Variants in EGFLAM observed in about 807,000 individuals in gnomAD.
The protein encoded by EGFLAM is EGF like, fibronectin type III and laminin G domains, also known as pikachurin.
EGFLAM carries 79 observed loss-of-function variants against 113.1 expected under a neutral mutation model. The ratio of observed to expected loss-of-function variants is 0.70; its 90% CI spans 0.58 to 0.84. EGFLAM has a LOEUF of 0.84. EGFLAM is among the 40% of genes least tolerant of loss of function. The probability of loss-of-function intolerance (pLI) is 0.00; values close to 1 mark genes in which losing one functional copy is unlikely to be tolerated. For synonymous variants in EGFLAM, 504 were observed against 487.6 expected (o/e 1.03, Z -0.44); for missense variants, 1,265 against 1,291.6 (o/e 0.98, Z 0.32).
chr5:38,343,196 G>A (rs1197047300), intron 3 of EGFLAM, among the ~76,000 whole-genome samples: 1 of 152,102 alleles, frequency 6.6e-6, no homozygotes, highest in Non-Finnish European at 1.5e-5. Flanking sequence ...CTGAGGTCAG[G>A]AGTTCGAGAC....
intron 19 of EGFLAM, 39 bp downstream of exon 19, chr5:38,451,497 A>T: frequency 6.2e-7 from 1 of 1,601,532 alleles, no homozygotes; most frequent in Non-Finnish European, 8.5e-7. Context: ...GCACCTTGCG[A>T]TTTTCTCAGA....
intron 16 of EGFLAM, among the ~76,000 whole-genome samples, chr5:38,437,109 C>T (rs1367706521): frequency 6.6e-6 from 1 of 152,220 alleles, no homozygotes; most frequent in African/African-American, 2.4e-5. Flanking sequence ...TTATTTGGGG[C>T]TAGGGAACCC....
chr5:38,300,641 CT>C (rs1758553757), intron 1 of EGFLAM, among the ~76,000 whole-genome samples: 1 of 152,156 alleles, frequency 6.6e-6, no homozygotes. Flanking sequence ...TCCCAAAATG[CT>C]GGGATTACAG....
chr5:38,401,415 A>G (rs1741108492), intron 6 of EGFLAM, among the ~76,000 whole-genome samples: 1 of 152,208 alleles, frequency 6.6e-6, no homozygotes, highest in African/African-American at 2.4e-5. Context: ...CTCTAATGGG[A>G]TGCATGATCT....
At chr5:38,405,953 CT>C in intron 6 of EGFLAM, 172 bp from the exon 7 acceptor site, 4 of 622,686 alleles carry the variant, frequency 6.4e-6, no homozygotes, top group South Asian at 1.9e-5. Context: ...TGAGAGGAAA[CT>C]TTTTTTATAT....
chr5:38,289,312 CT>C (rs1394401013), intron 1 of EGFLAM, among the ~76,000 whole-genome samples: 2 of 146,348 alleles, frequency 1.4e-5, no homozygotes, highest in Non-Finnish European at 3.0e-5. Flanking sequence ...ATTTCAGATT[CT>C]TTTTACTTGA....
At chr5:38,423,312 T>G (rs1013726210) in intron 12 of EGFLAM, among the ~76,000 whole-genome samples, 7 of 151,638 alleles carry the variant, frequency 4.6e-5, no homozygotes, top group African/African-American at 7.3e-5. Context: ...CCTATAGGAG[T>G]TTTTTCATCT....
At chr5:38,275,481 G>T (rs1757863710) in intron 1 of EGFLAM, among the ~76,000 whole-genome samples, 1 of 152,200 alleles carries the variant, frequency 6.6e-6, no homozygotes, top group African/African-American at 2.4e-5. Context: ...AAAAAGGTCG[G>T]TATATAATGA....
At chr5:38,396,862 G>A (rs563240739) in intron 6 of EGFLAM, among the ~76,000 whole-genome samples, 1 of 152,322 alleles carries the variant, frequency 6.6e-6, no homozygotes, top group South Asian at 2.1e-4. Context: ...TGGCAGAGAA[G>A]CAGGTGCATA....
At chr5:38,347,375 G>A (rs768854087) in intron 3 of EGFLAM, among the ~76,000 whole-genome samples, 1 of 152,202 alleles carries the variant, frequency 6.6e-6, no homozygotes, top group Non-Finnish European at 1.5e-5. Flanking sequence ...CTGGCTTCAA[G>A]TGGGTGGGGA....
At chr5:38,448,132 G>A (rs1742779566) in intron 17 of EGFLAM, 169 bp from the exon 18 acceptor site, 3 of 685,442 alleles carry the variant, frequency 4.4e-6, no homozygotes, top group Admixed American at 2.5e-5. Flanking sequence ...CAGGCCATGG[G>A]GTTGGGCAAC....
At chr5:38,333,408 A>G (rs1353493873) in intron 1 of EGFLAM, among the ~76,000 whole-genome samples, 1 of 152,064 alleles carries the variant, frequency 6.6e-6, no homozygotes, top group Non-Finnish European at 1.5e-5. Flanking sequence ...GCTAATTTAT[A>G]CTCCCACCAA....
intron 5 of EGFLAM, among the ~76,000 whole-genome samples, chr5:38,358,012 G>A (rs1169169081): frequency 6.9e-6 from 1 of 145,818 alleles, no homozygotes; most frequent in Non-Finnish European, 1.5e-5. Context: ...GCCAGGAATG[G>A]TAGCTCACAT....
Position 38,431,281 on chromosome 5 carries a change from TG to T in EGFLAM, c.2161del (p.Ala721GlnfsTer25). 6.2e-7 allele frequency: 1 copy of T among 1,614,020 alleles called. No individual in the cohort carries two copies. Among genetic ancestry groups the T allele is most frequent in the Non-Finnish European group, 8.5e-7 (1 of 1,179,944 alleles). ...GATAAGCAGAAGATAGTGGAGGGAA[TG>T]GCAGAGGTAAGAACAGTACACCTTT... ...QVDKQKIVEG[M>X]AEGGFTQIKC... is the part of the protein sequence containing the mutation. On this transcript the variant is annotated frameshift_variant, in exon 15 of 22. Coordinates refer to ENST00000322350, the MANE Select transcript of EGFLAM (RefSeq NM_152403.4). LOFTEE classifies it high-confidence loss of function.
intron 5 of EGFLAM, among the ~76,000 whole-genome samples, chr5:38,370,071 G>A (rs1399811777): frequency 1.3e-5 from 2 of 152,172 alleles, no homozygotes; most frequent in South Asian, 2.1e-4. Flanking sequence ...TTTAAGTAGT[G>A]TTTACAACTG....
At chr5:38,321,940 C>G (rs990056018) in intron 1 of EGFLAM, among the ~76,000 whole-genome samples, 6 of 152,186 alleles carry the variant, frequency 3.9e-5, no homozygotes, top group African/African-American at 1.4e-4. Context: ...CTCCTTCTAA[C>G]CTGACAAATA....
chr5:38,357,061 A>G (rs558046411), intron 5 of EGFLAM, among the ~76,000 whole-genome samples: 11 of 152,332 alleles, frequency 7.2e-5, no homozygotes, highest in Middle Eastern at 3.4e-3. Flanking sequence ...ATAAGATGCC[A>G]TCTATGAACC....
chr5:38,349,634 C>T (rs183643995), intron 3 of EGFLAM, among the ~76,000 whole-genome samples: 13 of 152,190 alleles, frequency 8.5e-5, no homozygotes, highest in East Asian at 7.7e-4. Context: ...TGCTTCCCAC[C>T]GATCAGACCC....
intron 19 of EGFLAM, among the ~76,000 whole-genome samples, chr5:38,452,036 CTTTT>C (rs550236407): frequency 8.4e-6 from 1 of 118,398 alleles, no homozygotes; most frequent in Non-Finnish European, 1.7e-5. Context: ...TCCAACAGGA[CTTTT>C]TTTTTTTTTT....
Sources: allele counts gnomAD v4.1 joint callset (sites outside exome capture counted in the v4.1 genomes callset), GRCh38; gene constraint gnomAD v4.1.1; transcripts MANE v1.5; gene names NCBI Gene and HGNC (gene_info 2026-07-23, HGNC 2026-07-21).